CELA2A: variants seen among roughly 807,000 people sequenced by gnomAD.
CELA2A encodes chymotrypsin-like elastase family member 2A.
Under a neutral mutation model 35.3 loss-of-function variants are expected in CELA2A, and 31 were observed. The observed-to-expected ratio is 0.88, with a 90% CI of 0.66 to 1.19. The LOEUF is 1.19. CELA2A is among the 50% of genes most tolerant of loss of function. The pLI is 0.00. For synonymous variants in CELA2A, 150 were observed against 149.8 expected (o/e 1.00, Z -0.01); for missense variants, 330 against 352.9 (o/e 0.94, Z 0.52).
At chr1:15,466,801 C>T (rs1708523929) in intron 6 of CELA2A, among the ~76,000 whole-genome samples, 1 of 152,152 alleles carries the variant, frequency 6.6e-6, no homozygotes, top group East Asian at 1.9e-4. Flanking sequence ...TTAGTCTCAT[C>T]AATGGCGCAG....
At chr1:15,458,896 G>A (rs1426372959) in intron 2 of CELA2A, among the ~76,000 whole-genome samples, 1 of 104,450 alleles carries the variant, frequency 9.6e-6, no homozygotes, top group Non-Finnish European at 1.7e-5. Flanking sequence ...CTGGGTGACA[G>A]AGTGAGATCC....
In CELA2A at chr1:15,461,620, A is replaced by G; in HGVS notation, c.189A>G (p.Ile63Met). The G allele has an allele frequency of 6.2e-7, 1 of 1,613,236 alleles. No homozygotes were observed. The highest frequency in any genetic ancestry group is 8.5e-7 in the Non-Finnish European group (1 of 1,180,022). The change falls in exon 3 of 8, where the codon ATA becomes ATG. Residue 63 changes from isoleucine (I) to methionine (M), a missense_variant. Ile to Met is a conservative substitution (Grantham distance 10). Coordinates refer to ENST00000359621, the MANE Select transcript of CELA2A (RefSeq NM_033440.3). ...ACCACACCTGCGGAGGGTCCCTGATAGCCAACAGCTGGGTCCTGACGGCTG... is the reference window on the plus strand; with the variant it reads ...ACCACACCTGCGGAGGGTCCCTGATGGCCAACAGCTGGGTCCTGACGGCTG... The part of the protein sequence containing the change: ...KWYHTCGGSL[I>M]ANSWVLTAAH...
At chr1:15,461,749 A>C in intron 3 of CELA2A, 91 bp downstream of exon 3, 1 of 1,469,116 alleles carries the variant, frequency 6.8e-7, no homozygotes, top group Non-Finnish European at 9.5e-7. Context: ...ATGCTACATA[A>C]AGCAGCCTTG....
At chr1:15,459,942 C>T (rs1161026658) in intron 2 of CELA2A, among the ~76,000 whole-genome samples, 3 of 144,492 alleles carry the variant, frequency 2.1e-5, no homozygotes, top group Non-Finnish European at 4.5e-5. Context: ...CATAGATAGC[C>T]ATCTCAAAAA....
Position 15,463,523 on chromosome 1 carries a change from G to A in CELA2A, c.493+1G>A. The A allele has an allele frequency of 6.2e-7, 1 of 1,613,410 alleles. No homozygotes were observed. The highest frequency in any genetic ancestry group is 8.5e-7 in the Non-Finnish European group (1 of 1,179,506). ...GTCACGGGCTGGGGAAGGCTGCAGA[G>A]TAAGTGGGAGCCAGGAGCCCCCAGG... On this transcript the variant is annotated splice_donor_variant, in intron 5 of 7. Transcript: ENST00000359621. LOFTEE classifies it high-confidence loss of function.
At chr1:15,461,698 T>A (rs374563517) in intron 3 of CELA2A, 40 bp downstream of exon 3, 55 of 1,612,252 alleles carry the variant, frequency 3.4e-5, no homozygotes, top group Non-Finnish European at 5.9e-6. Context: ...GCTCACCAGC[T>A]GGTGCTCATT....
chr1:15,465,333 A>G (rs1188528189), intron 5 of CELA2A, among the ~76,000 whole-genome samples: 1 of 152,062 alleles, frequency 6.6e-6, no homozygotes, highest in Non-Finnish European at 1.5e-5. Flanking sequence ...CTAGGCTTCA[A>G]TCGGAAGTGA....
rs1402979078 is a variant in CELA2A, at chr1:15,460,689, A to T, written c.130-872A>T. On this transcript the variant is annotated intron_variant, in intron 2 of 7. Transcript: ENST00000359621. ...TTTAAAGACCTGGTCTCACTCTGTTAATTTTATTTTATTTTAAAATTTTTT... is the reference window on the plus strand; with the variant it reads ...TTTAAAGACCTGGTCTCACTCTGTTTATTTTATTTTATTTTAAAATTTTTT... Among the ~76,000 whole-genome samples the T allele has an allele frequency of 2.6e-5, 4 of 151,182 alleles. No individual in the cohort carries two copies. The East Asian group carries it at 7.8e-4, about 29-fold the overall frequency.
intron 2 of CELA2A, among the ~76,000 whole-genome samples, chr1:15,460,039 G>C (rs1708413321): frequency 6.6e-6 from 1 of 152,052 alleles, no homozygotes. Context: ...CCAGGAGACA[G>C]AGTCTCATTC....
chr1:15,458,592 T>G (rs1037634809), intron 2 of CELA2A, among the ~76,000 whole-genome samples: 1 of 152,086 alleles, frequency 6.6e-6, no homozygotes, highest in Non-Finnish European at 1.5e-5. Flanking sequence ...AGGCCAGCGT[T>G]CATTCATCTG....
At chr1:15,463,271 G>C in intron 4 of CELA2A, 115 bp from the exon 5 acceptor site, 20 of 1,524,536 alleles carry the variant, frequency 1.3e-5, no homozygotes, top group Admixed American at 1.9e-5. Context: ...CTGCCAGTCA[G>C]AGCAACCTGG....
At chr1:15,461,870 C>A in intron 3 of CELA2A, 1 of 712,590 alleles carries the variant, frequency 1.4e-6, no homozygotes, top group Non-Finnish European at 2.6e-6. Flanking sequence ...GCCAGGCAGG[C>A]ACTGAGGGAG....
intron 4 of CELA2A, 98 bp downstream of exon 4, chr1:15,462,959 C>A: frequency 6.6e-7 from 1 of 1,511,128 alleles, no homozygotes; most frequent in Non-Finnish European, 9.1e-7. Context: ...ACCCCCTCTG[C>A]TTCTTCTACA....
intron 7 of CELA2A, among the ~76,000 whole-genome samples, chr1:15,471,413 T>C (rs1055827337): frequency 2.6e-5 from 4 of 152,216 alleles, no homozygotes; most frequent in Non-Finnish European, 4.4e-5. Context: ...CCAGGCATGG[T>C]GGTGCATGAC....
rs188684983 is a variant in CELA2A at position 15,459,138 on chromosome 1, C to G, written c.129+1964C>G. ...CCCAAAGTGCTGGGATTACAGGCAC[C>G]CACCACTGTGCTCACCCATAGTAAT... On this transcript the variant is annotated intron_variant, in intron 2 of 7. Coordinates refer to ENST00000359621, the MANE Select transcript of CELA2A (RefSeq NM_033440.3). 6.8e-3 allele frequency among the ~76,000 whole-genome samples: 994 copies of G among 146,842 alleles called. 9 individuals are homozygous for G. Among genetic ancestry groups the G allele is most frequent in the Non-Finnish European group, 9.6e-3 (640 of 66,628 alleles).
chr1:15,459,304 A>T (rs534403535), intron 2 of CELA2A, among the ~76,000 whole-genome samples: 1 of 150,840 alleles, frequency 6.6e-6, no homozygotes, highest in South Asian at 2.1e-4. Flanking sequence ...CTGAGACCAC[A>T]GGTGCATGCC....
At chr1:15,460,310 G>C (rs201310848) in intron 2 of CELA2A, among the ~76,000 whole-genome samples, 4 of 418 alleles carry the variant, frequency 9.6e-3, no homozygotes, top group African/African-American at 0.018. Flanking sequence ...TTTTTAAATT[G>C]GGGGGGGGGT....
intron 2 of CELA2A, among the ~76,000 whole-genome samples, chr1:15,458,628 A>G (rs1708392061): frequency 6.6e-6 from 1 of 152,054 alleles, no homozygotes; most frequent in East Asian, 1.9e-4. Flanking sequence ...ACTGTCAATG[A>G]TAGGCCAGGC....
At chr1:15,459,938 T>C (rs1316600945) in intron 2 of CELA2A, among the ~76,000 whole-genome samples, 2 of 138,814 alleles carry the variant, frequency 1.4e-5, no homozygotes, top group African/African-American at 2.7e-5. Context: ...GCAACATAGA[T>C]AGCCATCTCA....
Sources: gnomAD v4.1 joint callset for allele counts (sites outside exome capture counted in the v4.1 genomes callset) on GRCh38, gnomAD v4.1.1 for gene constraint, MANE v1.5 for transcripts, NCBI Gene and HGNC (gene_info 2026-07-23, HGNC 2026-07-21) for gene names.